Variants in UNC13C observed in about 807,000 individuals in gnomAD.
UNC13C encodes unc-13 homolog C, also known as protein unc-13 homolog C.
Under a neutral mutation model 245.4 loss-of-function variants are expected in UNC13C, and 174 were observed. The observed-to-expected ratio is 0.71, with a 90% CI of 0.63 to 0.80. The LOEUF is 0.80. Among genes scored for constraint, UNC13C ranks in the 30% least tolerant of loss-of-function variants. The pLI, the probability that UNC13C is intolerant of heterozygous loss-of-function variation, is 0.00. For synonymous variants in UNC13C, 992 were observed against 895.1 expected (o/e 1.11, Z -1.93); for missense variants, 2,829 against 2,602.9 (o/e 1.09, Z -1.89).
At chr15:54,572,752 C>T (rs1897813082) in intron 30 of UNC13C, among the ~76,000 whole-genome samples, 1 of 152,006 alleles carries the variant, frequency 6.6e-6, no homozygotes, top group Admixed American at 6.6e-5. Flanking sequence ...AATTCATGTT[C>T]TGTGGGGGAA....
chr15:53,907,974 A>G, the UNC13C span, among the ~76,000 whole-genome samples: 1 of 147,216 alleles, frequency 6.8e-6, no homozygotes, highest in Admixed American at 7.0e-5. Flanking sequence ...TTTCATAGAT[A>G]ATATTTTAAA....
At chr15:54,020,956 CAAT>C (rs1879013168) in intron 2 of UNC13C, among the ~76,000 whole-genome samples, 1 of 152,026 alleles carries the variant, frequency 6.6e-6, no homozygotes, top group Non-Finnish European at 1.5e-5. Context: ...CAGTGCATAA[CAAT>C]AACCTTTTGT....
At chr15:54,048,313 TTA>T (rs1897126930) in intron 2 of UNC13C, among the ~76,000 whole-genome samples, 1 of 152,202 alleles carries the variant, frequency 6.6e-6, no homozygotes, top group South Asian at 2.1e-4. Flanking sequence ...CAAGTATTGT[TTA>T]TGTTTCCTCT....
chr15:54,115,981 TTA>T (rs771538199), intron 2 of UNC13C, among the ~76,000 whole-genome samples: 3 of 152,150 alleles, frequency 2.0e-5, no homozygotes, highest in African/African-American at 4.8e-5. Flanking sequence ...TGGGTTATTT[TTA>T]TAGTCATTTT....
At chr15:54,558,806 A>G (rs927801386) in intron 29 of UNC13C, among the ~76,000 whole-genome samples, 3 of 152,014 alleles carry the variant, frequency 2.0e-5, no homozygotes, top group African/African-American at 7.2e-5. Context: ...AGTGGCAGCT[A>G]TGAGACAGAT....
the UNC13C span, among the ~76,000 whole-genome samples, chr15:53,876,114 A>G: frequency 2.6e-5 from 4 of 152,214 alleles, no homozygotes; most frequent in Non-Finnish European, 5.9e-5. Flanking sequence ...CTAGTGTGAC[A>G]AACATTCAGA....
At chr15:54,437,559 T>A (rs1165860066) in intron 19 of UNC13C, among the ~76,000 whole-genome samples, 6 of 152,036 alleles carry the variant, frequency 3.9e-5, no homozygotes, top group Admixed American at 2.6e-4. Flanking sequence ...ATTGAGCCAT[T>A]TTCCTGTAAG....
chr15:54,461,354 C>A (rs904956752), intron 19 of UNC13C, among the ~76,000 whole-genome samples: 1 of 152,016 alleles, frequency 6.6e-6, no homozygotes, highest in African/African-American at 2.4e-5. Flanking sequence ...GCAAATATTC[C>A]AAAATTCAAA....
At chr15:54,149,669 G>C (rs181960115) in intron 4 of UNC13C, among the ~76,000 whole-genome samples, 1 of 152,072 alleles carries the variant, frequency 6.6e-6, no homozygotes, top group African/African-American at 2.4e-5. Context: ...TTTAAAGGAC[G>C]GGCCTTTCTA....
At chr15:54,088,138 A>C (rs1466681047) in intron 2 of UNC13C, among the ~76,000 whole-genome samples, 1 of 151,290 alleles carries the variant, frequency 6.6e-6, no homozygotes, top group Non-Finnish European at 1.5e-5. Flanking sequence ...TATCAACTGA[A>C]TAGTCCCTCT....
intron 26 of UNC13C, among the ~76,000 whole-genome samples, chr15:54,545,123 G>T (rs1896427029): frequency 6.6e-6 from 1 of 152,146 alleles, no homozygotes; most frequent in Non-Finnish European, 1.5e-5. Context: ...GAACAGAACA[G>T]TGGACTCAGA....
chr15:54,314,393 A>G (rs1364280752), intron 13 of UNC13C, among the ~76,000 whole-genome samples: 1 of 151,646 alleles, frequency 6.6e-6, no homozygotes, highest in Non-Finnish European at 1.5e-5. Context: ...TTTCAAACCA[A>G]CATATTGTAC....
intron 2 of UNC13C, among the ~76,000 whole-genome samples, chr15:54,117,421 A>G (rs962994646): frequency 6.6e-6 from 1 of 152,062 alleles, no homozygotes; most frequent in Non-Finnish European, 1.5e-5. Context: ...CTTAGATTAA[A>G]GCCTTTATCC....
At chr15:54,166,361 A>C (rs1439445303) in intron 4 of UNC13C, among the ~76,000 whole-genome samples, 1 of 152,086 alleles carries the variant, frequency 6.6e-6, no homozygotes, top group South Asian at 2.1e-4. Context: ...TTACCCAATC[A>C]TATCTTAAAA....
At chr15:54,576,609 A>C (rs2141231004) in intron 30 of UNC13C, among the ~76,000 whole-genome samples, 1 of 152,278 alleles carries the variant, frequency 6.6e-6, no homozygotes, top group Non-Finnish European at 1.5e-5. Flanking sequence ...GCTAAATGTA[A>C]GAAAATACAT....
chr15:54,394,213 TATTAACCACCC>T (rs1163911200), intron 18 of UNC13C, among the ~76,000 whole-genome samples: 2 of 152,072 alleles, frequency 1.3e-5, no homozygotes, highest in Admixed American at 1.3e-4. Flanking sequence ...TTCTACTTAC[TATTAACCACCC>T]ATTTTCAACA....
At chr15:54,021,299 C>G (rs1895894983) in intron 2 of UNC13C, among the ~76,000 whole-genome samples, 1 of 152,116 alleles carries the variant, frequency 6.6e-6, no homozygotes, top group Non-Finnish European at 1.5e-5. Context: ...CAGTCTAGCT[C>G]AAACTTTTTA....
intron 19 of UNC13C, among the ~76,000 whole-genome samples, chr15:54,425,290 C>T (rs1016804188): frequency 6.6e-5 from 10 of 151,562 alleles, no homozygotes; most frequent in Admixed American, 1.3e-4. Flanking sequence ...TGGAAAAATA[C>T]GAAAGCAGTA....
At chr15:54,137,828 T>C (rs2141227236) in intron 2 of UNC13C, among the ~76,000 whole-genome samples, 1 of 152,330 alleles carries the variant, frequency 6.6e-6, no homozygotes, top group East Asian at 1.9e-4. Flanking sequence ...CATTTATTTC[T>C]TCTGTAATCT....
Sources: allele counts gnomAD v4.1 joint callset (sites outside exome capture counted in the v4.1 genomes callset), GRCh38; gene constraint gnomAD v4.1.1; transcripts MANE v1.5; gene names NCBI Gene and HGNC (gene_info 2026-07-23, HGNC 2026-07-21).